Variants in SOX6 observed in about 807,000 individuals in gnomAD.
SOX6 encodes the protein transcription factor SOX-6.
In SOX6, 11 loss-of-function variants were observed where a neutral mutation model predicts 97.8. The observed-to-expected ratio is 0.11, with a 90% CI of 0.07 to 0.19. SOX6 has a LOEUF of 0.19. Among genes scored for constraint, SOX6 ranks in the 10% least tolerant of loss-of-function variants. The pLI, the probability that SOX6 is intolerant of heterozygous loss-of-function variation, is 1.00. For missense variants in SOX6, 810 were observed against 1,039.5 expected (o/e 0.78, Z 3.04); for synonymous variants, 360 against 371.4 (o/e 0.97, Z 0.35).
At position 16,201,636 on chromosome 11, in the gene SOX6, CT is replaced by C. The variant is rs1314415957; in HGVS notation, c.536-14682del. On this transcript the variant is annotated intron_variant, in intron 4 of 15. Coordinates refer to ENST00000683767, the MANE Select transcript of SOX6 (RefSeq NM_001367873.1). ...ATTTGCAAAGTATTTTTTTTTTTTT[CT>C]TTTTTTTTTTTTTTGAGACGGAGTC... Among the ~76,000 whole-genome samples the C allele has an allele frequency of 4.5e-3, 476 of 104,670 alleles. 5 individuals carry two copies. The highest frequency in any genetic ancestry group is 0.014 in the African/African-American group (368 of 27,004). The allele number at this position is 104,670 out of a possible 152,430, so 68.7% of individuals were successfully genotyped here. A position where few individuals can be genotyped will look rare whatever the true frequency, so the allele number is the denominator to read the frequency against.
chr11:16,455,906 T>C (rs1859802179), intron 1 of SOX6, among the ~76,000 whole-genome samples: 3 of 152,054 alleles, frequency 2.0e-5, no homozygotes, highest in Non-Finnish European at 4.4e-5. Flanking sequence ...CATAAATTAC[T>C]GGTTGCTTAA....
At chr11:16,092,151 T>A (rs2133968940) in intron 9 of SOX6, among the ~76,000 whole-genome samples, 1 of 152,152 alleles carries the variant, frequency 6.6e-6, no homozygotes, top group African/African-American at 2.4e-5. Context: ...TTTGAAAAGG[T>A]AACTGGCTTG....
At chr11:16,426,900 C>T (rs1267735658) in intron 1 of SOX6, among the ~76,000 whole-genome samples, 7 of 105,746 alleles carry the variant, frequency 6.6e-5, no homozygotes, top group Non-Finnish European at 1.1e-4. Context: ...GGCGACAGAG[C>T]GAGACTCCGT....
chr11:16,573,054 C>G (rs182804499), intron 4 of SOX6, among the ~76,000 whole-genome samples: 107 of 152,248 alleles, frequency 7.0e-4, no homozygotes, highest in African/African-American at 2.5e-3. Context: ...TACCACTGCC[C>G]TGTCAGGAAA....
intron 3 of SOX6, among the ~76,000 whole-genome samples, chr11:16,702,594 A>T (rs977248834): frequency 2.6e-5 from 4 of 152,124 alleles, no homozygotes; most frequent in Admixed American, 1.3e-4. Flanking sequence ...AGAACCCCCC[A>T]TTTCCAGACC....
At chr11:16,365,750 T>G (rs1447002583) in intron 1 of SOX6, among the ~76,000 whole-genome samples, 1 of 152,158 alleles carries the variant, frequency 6.6e-6, no homozygotes, top group Admixed American at 6.6e-5. Context: ...AACAATATAT[T>G]ATGCTGTTTG....
rs946123795 is a variant in SOX6, at chr11:16,109,465, G to A, written c.898+2338C>T. ...TCCTCCCACCCCTCAGCCTCCCAAC[G>A]TGCTGGGATTACAGGCATGAGCCAC... On this transcript the variant is annotated intron_variant, in intron 7 of 15. Transcript: ENST00000683767. Among the ~76,000 whole-genome samples, 24 of 151,992 alleles carry A rather than the reference G, an allele frequency of 1.6e-4. 1 individual carries two copies. Among genetic ancestry groups the A allele is most frequent in the African/African-American group, 2.9e-4 (12 of 41,454 alleles).
chr11:16,012,771 A>G (rs896667260), intron 13 of SOX6, among the ~76,000 whole-genome samples: 1 of 152,002 alleles, frequency 6.6e-6, no homozygotes, highest in African/African-American at 2.4e-5. Flanking sequence ...TCTCAGCCTC[A>G]GTTTTCTCAC....
intron 4 of SOX6, among the ~76,000 whole-genome samples, chr11:16,492,821 C>T (rs186656915): frequency 3.3e-5 from 5 of 152,130 alleles, no homozygotes; most frequent in East Asian, 1.9e-4. Flanking sequence ...GAACCAAAAA[C>T]GGATTCATAA....
intron 9 of SOX6, among the ~76,000 whole-genome samples, chr11:16,063,728 T>G: frequency 6.7e-6 from 1 of 149,898 alleles, no homozygotes; most frequent in East Asian, 2.0e-4. Flanking sequence ...AAATATACAT[T>G]GAGAACTAAA....
intron 1 of SOX6, among the ~76,000 whole-genome samples, chr11:16,374,761 T>C (rs1305804395): frequency 6.6e-6 from 1 of 152,062 alleles, no homozygotes; most frequent in Non-Finnish European, 1.5e-5. Context: ...TGTTCTATAC[T>C]CCATAAAATC....
intron 1 of SOX6, among the ~76,000 whole-genome samples, chr11:16,439,695 G>C (rs1002419288): frequency 2.0e-5 from 3 of 152,106 alleles, no homozygotes; most frequent in Non-Finnish European, 4.4e-5. Flanking sequence ...TTCACAAACT[G>C]TCTTTTCATG....
At chr11:16,025,139 CA>C (rs1173885457) in intron 12 of SOX6, among the ~76,000 whole-genome samples, 1 of 152,064 alleles carries the variant, frequency 6.6e-6, no homozygotes, top group East Asian at 1.9e-4. Flanking sequence ...TGGTTTTAAC[CA>C]ATTGCAAGGT....
At chr11:16,083,044 C>T (rs1402871796) in intron 9 of SOX6, among the ~76,000 whole-genome samples, 2 of 152,112 alleles carry the variant, frequency 1.3e-5, no homozygotes, top group African/African-American at 2.4e-5. Flanking sequence ...TGCATCCTTC[C>T]CCATAAACCT....
At chr11:16,146,922 G>T (rs778406801) in intron 6 of SOX6, among the ~76,000 whole-genome samples, 1 of 152,044 alleles carries the variant, frequency 6.6e-6, no homozygotes, top group Non-Finnish European at 1.5e-5. Context: ...AAACTAGTTC[G>T]ACCATTGTGG....
chr11:16,357,373 G>A (rs773232204), upstream of SOX6, among the ~76,000 whole-genome samples: 16 of 152,072 alleles, frequency 1.1e-4, no homozygotes, highest in African/African-American at 9.7e-5. Context: ...ATTTCTGTGC[G>A]GGAGAATTAA....
At chr11:16,402,573 TG>T in intron 1 of SOX6, 1 of 1,334,492 alleles carries the variant, frequency 7.5e-7, no homozygotes, top group Non-Finnish European at 1.1e-6. Context: ...ATCTCAGAGA[TG>T]GTGACAAAGA....
chr11:16,584,425 A>G (rs557718669), intron 4 of SOX6, among the ~76,000 whole-genome samples: 1 of 152,278 alleles, frequency 6.6e-6, no homozygotes, highest in East Asian at 1.9e-4. Context: ...TCATCTTGAC[A>G]TTGTTGCCTG....
chr11:16,379,103 GTCATCAACA>G (rs1857729278), intron 1 of SOX6, among the ~76,000 whole-genome samples: 1 of 152,206 alleles, frequency 6.6e-6, no homozygotes, highest in South Asian at 2.1e-4. Flanking sequence ...TTCAAACCCT[GTCATCAACA>G]ATCTGACTCC....
Sources: allele counts gnomAD v4.1 joint callset (sites outside exome capture counted in the v4.1 genomes callset), GRCh38; gene constraint gnomAD v4.1.1; transcripts MANE v1.5; gene names NCBI Gene and HGNC (gene_info 2026-07-23, HGNC 2026-07-21).